The following HDAC4 variants were observed in gnomAD, a reference collection of about 807,000 sequenced individuals.
HDAC4 encodes histone deacetylase A.
HDAC4 carries 16 observed loss-of-function variants against 135.1 expected under a neutral mutation model. The observed-to-expected ratio is 0.12, with a 90% confidence interval of 0.08 to 0.18. HDAC4 has a LOEUF of 0.18. Among genes scored for constraint, HDAC4 ranks in the 10% least tolerant of loss-of-function variants. The probability of loss-of-function intolerance (pLI) is 1.00; values close to 1 mark genes in which losing one functional copy is unlikely to be tolerated. For synonymous variants in HDAC4, 685 were observed against 653.4 expected (o/e 1.05, Z -0.74); for missense variants, 1,143 against 1,511.8 (o/e 0.76, Z 4.05).
chr2:239,304,079 G>A (rs7355702), intron 2 of HDAC4, among the ~76,000 whole-genome samples: 3 of 152,130 alleles, frequency 2.0e-5, no homozygotes, highest in African/African-American at 7.2e-5. Context: ...CCAGCTCCCC[G>A]ACCCGTAAGC....
At chr2:239,182,546 CACAA>C (rs2044219363) in intron 4 of HDAC4, among the ~76,000 whole-genome samples, 2 of 152,190 alleles carry the variant, frequency 1.3e-5, no homozygotes, top group Non-Finnish European at 1.5e-5. Context: ...AACCAGCAGT[CACAA>C]ACAGTGACTG....
chr2:239,183,003 TAG>T (rs2044250205), intron 4 of HDAC4, among the ~76,000 whole-genome samples: 1 of 152,248 alleles, frequency 6.6e-6, no homozygotes, highest in Non-Finnish European at 1.5e-5. Context: ...TGTCTGCAAC[TAG>T]TCCCTCGCTA....
At chr2:239,228,873 CGTT>C (rs1227646905) in intron 3 of HDAC4, among the ~76,000 whole-genome samples, 3 of 152,074 alleles carry the variant, frequency 2.0e-5, no homozygotes, top group African/African-American at 7.2e-5. Flanking sequence ...TGGGCACAGT[CGTT>C]CACACCTGTA....
At chr2:239,370,113 C>A (rs939237945) in intron 1 of HDAC4, among the ~76,000 whole-genome samples, 6 of 152,256 alleles carry the variant, frequency 3.9e-5, no homozygotes, top group African/African-American at 1.4e-4. Context: ...GTCCCCGGGA[C>A]TGGCAGGTCA....
chr2:239,321,333 C>T (rs1333563775), intron 2 of HDAC4, among the ~76,000 whole-genome samples: 2 of 151,878 alleles, frequency 1.3e-5, no homozygotes, highest in Middle Eastern at 3.4e-3. Context: ...GGCGTGGTGG[C>T]GGGCGCCTGT....
chr2:239,086,506 T>C (rs1288896789), intron 19 of HDAC4, among the ~76,000 whole-genome samples: 2 of 151,914 alleles, frequency 1.3e-5, no homozygotes, highest in Non-Finnish European at 2.9e-5. Flanking sequence ...AAGGAGACTC[T>C]GCTCTAACAT....
At chr2:239,175,017 G>A (rs2043667676) in intron 5 of HDAC4, among the ~76,000 whole-genome samples, 1 of 152,304 alleles carries the variant, frequency 6.6e-6, no homozygotes, top group South Asian at 2.1e-4. Flanking sequence ...TCTGACTCAT[G>A]GGCCAGCCCT....
At chr2:239,300,611 G>C (rs1284580384) in intron 2 of HDAC4, among the ~76,000 whole-genome samples, 1 of 151,952 alleles carries the variant, frequency 6.6e-6, no homozygotes, top group East Asian at 1.9e-4. Context: ...AACTGAACTT[G>C]ACTCTGCTCC....
At chr2:239,127,621 A>G (rs1461366785) in intron 11 of HDAC4, among the ~76,000 whole-genome samples, 1 of 152,186 alleles carries the variant, frequency 6.6e-6, no homozygotes, top group Non-Finnish European at 1.5e-5. Context: ...AATGACCCTG[A>G]CCCGCTCAAG....
chr2:239,155,149 C>T, intron 7 of HDAC4: 1 of 151,982 alleles, frequency 6.6e-6, no homozygotes, highest in Non-Finnish European at 1.5e-5. Context: ...CGTGGCCAGC[C>T]TGATATGACC....
intron 3 of HDAC4, among the ~76,000 whole-genome samples, chr2:239,231,521 C>T (rs189579595): frequency 1.8e-4 from 28 of 152,356 alleles, no homozygotes; most frequent in Admixed American, 1.6e-3. Flanking sequence ...CCATGAGGGC[C>T]GTAAGCCCTC....
intron 14 of HDAC4, among the ~76,000 whole-genome samples, chr2:239,108,488 C>T (rs2038362415): frequency 6.6e-6 from 1 of 152,146 alleles, no homozygotes; most frequent in African/African-American, 2.4e-5. Context: ...GAGGAGAAAA[C>T]AGTGATGAGG....
intron 2 of HDAC4, among the ~76,000 whole-genome samples, chr2:239,278,106 G>T (rs1160366532): frequency 6.5e-5 from 9 of 137,416 alleles, no homozygotes; most frequent in African/African-American, 2.2e-4. Context: ...GAGGCTCAGG[G>T]TGTCTTGAGA....
chr2:239,391,915 G>A (rs975887652), intron 1 of HDAC4, among the ~76,000 whole-genome samples: 7 of 48,672 alleles, frequency 1.4e-4, no homozygotes, highest in African/African-American at 4.0e-4. Context: ...AACGCAGCCC[G>A]CGTGTGCTGA....
At chr2:239,137,065 C>T (rs767896322) in intron 9 of HDAC4, among the ~76,000 whole-genome samples, 17 of 152,010 alleles carry the variant, frequency 1.1e-4, no homozygotes, top group Non-Finnish European at 2.1e-4. Context: ...AATAAGGAGA[C>T]GTTCTAATGT....
intron 12 of HDAC4, among the ~76,000 whole-genome samples, chr2:239,118,702 G>A (rs1004058812): frequency 3.3e-5 from 5 of 152,256 alleles, no homozygotes; most frequent in South Asian, 4.1e-4. Flanking sequence ...TCATCACGCC[G>A]TACGCTGTAA....
chr2:239,388,389 G>T (rs867901690), intron 1 of HDAC4, among the ~76,000 whole-genome samples: 1 of 152,232 alleles, frequency 6.6e-6, no homozygotes. Flanking sequence ...GGCAGATGCG[G>T]TCAGTGCGGC....
intron 19 of HDAC4, 101 bp downstream of exon 19, chr2:239,087,458 G>A: frequency 8.3e-7 from 1 of 1,199,778 alleles, no homozygotes; most frequent in Admixed American, 2.0e-5. Context: ...CCAGCAAACA[G>A]CAGCCCAGCT....
chr2:239,077,132 G>A (rs1006850203), intron 22 of HDAC4, among the ~76,000 whole-genome samples: 3 of 152,172 alleles, frequency 2.0e-5, no homozygotes, highest in African/African-American at 4.8e-5. Flanking sequence ...GCCACAAGAC[G>A]GGCCTGTCCA....
Sources: allele counts gnomAD v4.1 joint callset (sites outside exome capture counted in the v4.1 genomes callset), GRCh38; gene constraint gnomAD v4.1.1; transcripts MANE v1.5; gene names NCBI Gene and HGNC (gene_info 2026-07-23, HGNC 2026-07-21).